CBFB: variants seen among roughly 807,000 people sequenced by gnomAD.
CBFB encodes core-binding factor subunit beta, also known as CBF-beta.
CBFB carries 9 observed loss-of-function variants against 30.4 expected under a neutral mutation model. That is an observed-to-expected ratio of 0.30 (90% CI 0.18 to 0.52). The LOEUF (loss-of-function observed/expected upper bound fraction) is 0.52, where lower values mean the gene tolerates loss of function less well. Ranked by LOEUF, CBFB falls within the 20% of genes least tolerant of loss-of-function variation. The pLI, the probability that CBFB is intolerant of heterozygous loss-of-function variation, is 0.97. For missense variants in CBFB, 170 were observed against 244.0 expected (o/e 0.70, Z 2.02); for synonymous variants, 94 against 84.0 (o/e 1.12, Z -0.65).
In CBFB at chr16:67,082,108, T is replaced by C. The variant is rs908317456; in HGVS notation, c.400-105T>C. The C allele has an allele frequency of 3.9e-5, 35 of 906,728 alleles. No individual in the cohort carries two copies. The African/African-American group carries it at 5.2e-4, about 14-fold the overall frequency. The allele number at this position is 906,728 out of a possible 1,614,324, so 56.2% of individuals were successfully genotyped here. On this transcript the variant is annotated intron_variant, in intron 4 of 5. Coordinates refer to ENST00000412916, the MANE Select transcript of CBFB (RefSeq NM_022845.3). ...TGCTGAGATTACAGGCGTGAGCCAC[T>C]GCGCCCGGCCACTGTTTCAGGAAAA...
At chr16:67,043,419 G>A (rs1360374208) in intron 3 of CBFB, among the ~76,000 whole-genome samples, 1 of 152,126 alleles carries the variant, frequency 6.6e-6, no homozygotes, top group Non-Finnish European at 1.5e-5. Context: ...CAAATCAAGG[G>A]CTTCTATAAG....
At chr16:67,052,716 CT>C in intron 3 of CBFB, among the ~76,000 whole-genome samples, 1 of 152,240 alleles carries the variant, frequency 6.6e-6, no homozygotes, top group South Asian at 2.1e-4. Flanking sequence ...AATTGCAGCA[CT>C]TTCAGAGGTT....
intron 2 of CBFB, among the ~76,000 whole-genome samples, chr16:67,032,640 T>G (rs1488738380): frequency 1.3e-5 from 2 of 152,242 alleles, no homozygotes; most frequent in Non-Finnish European, 2.9e-5. Context: ...TCACAATACC[T>G]TTTATATCAG....
intron 3 of CBFB, among the ~76,000 whole-genome samples, chr16:67,057,147 T>C (rs1056718469): frequency 2.0e-5 from 3 of 151,978 alleles, no homozygotes; most frequent in African/African-American, 7.3e-5. Context: ...CATGCCCGGC[T>C]AATTTTTGTA....
chr16:67,068,705 C>G (rs564517378), intron 4 of CBFB, among the ~76,000 whole-genome samples: 1 of 152,070 alleles, frequency 6.6e-6, no homozygotes, highest in Non-Finnish European at 1.5e-5. Context: ...GCAACTTATA[C>G]AAAGGTGAAA....
At chr16:67,066,051 C>T (rs1015690031) in intron 3 of CBFB, among the ~76,000 whole-genome samples, 12 of 151,834 alleles carry the variant, frequency 7.9e-5, no homozygotes, top group African/African-American at 2.9e-4. Flanking sequence ...CAGTAGAAAT[C>T]AACTCTGGCT....
chr16:67,084,945 T>G (rs897665860), intron 5 of CBFB, among the ~76,000 whole-genome samples: 2 of 152,226 alleles, frequency 1.3e-5, no homozygotes, highest in African/African-American at 4.8e-5. Context: ...CTGTCTCATA[T>G]GGTCATTGTG....
At chr16:67,079,141 G>T (rs888906784) in intron 4 of CBFB, among the ~76,000 whole-genome samples, 3 of 152,176 alleles carry the variant, frequency 2.0e-5, no homozygotes, top group Non-Finnish European at 4.4e-5. Context: ...ATCCATAAGT[G>T]CTTGTTGAAT....
In CBFB at chr16:67,055,357, C is replaced by CTTTTTTTTTTTT. The variant is rs1163773529; in HGVS notation, c.283-11309_283-11298dup. On this transcript the variant is annotated intron_variant, in intron 3 of 5. Coordinates refer to ENST00000412916, the MANE Select transcript of CBFB (RefSeq NM_022845.3). Reference sequence around the variant, plus strand: ...AAATCTATTGAATTCCAGACACTTTCTTTTTTTTTTTTTTTTTTTTTTTTT... The same window carrying CTTTTTTTTTTTT: ...AAATCTATTGAATTCCAGACACTTTCTTTTTTTTTTTTTTTTTTTTTTTTTTTTTTTTTTTTT... Among the ~76,000 whole-genome samples, 143 of 81,466 alleles carry CTTTTTTTTTTTT rather than the reference C, an allele frequency of 1.8e-3. 15 individuals carry two copies. Among genetic ancestry groups the CTTTTTTTTTTTT allele is most frequent in the South Asian group, 3.1e-3 (7 of 2,280 alleles). The allele number at this position is 81,466 out of a possible 152,430, so 53.4% of individuals were successfully genotyped here.
intron 3 of CBFB, among the ~76,000 whole-genome samples, chr16:67,052,327 T>TTCCCAAA (rs1168039462): frequency 6.6e-6 from 1 of 152,196 alleles, no homozygotes; most frequent in Non-Finnish European, 1.5e-5. Flanking sequence ...CCTAGCACTT[T>TTCCCAAA]GGGAGGCCAA....
intron 3 of CBFB, among the ~76,000 whole-genome samples, chr16:67,040,275 G>C (rs937565146): frequency 6.6e-6 from 1 of 152,214 alleles, no homozygotes; most frequent in Non-Finnish European, 1.5e-5. Flanking sequence ...CCTTATATTG[G>C]ATTCCAAATC....
Position 67,066,739 on chromosome 16 carries a change from A to T in CBFB, c.340A>T (p.Ile114Phe). Residue 114 changes from isoleucine (I) to phenylalanine (F), a missense_variant, in exon 4 of 6, where the codon ATT becomes TTT. Transcript: ENST00000412916. ...AGTCTGTGTTATCTGGAAAGGCTGG[A>T]TTGATCTCCAAAGACTGGATGGTAT... ...NGVCVIWKGW[I>F]DLQRLDGMGC... 1.2e-6 allele frequency: 2 copies of T among 1,610,888 alleles called. No individual in the cohort carries two copies. Among genetic ancestry groups the T allele is most frequent in the Non-Finnish European group, 1.7e-6 (2 of 1,179,052 alleles).
At chr16:67,080,479 A>AG (rs1396855296) in intron 4 of CBFB, among the ~76,000 whole-genome samples, 1 of 151,610 alleles carries the variant, frequency 6.6e-6, no homozygotes, top group African/African-American at 2.4e-5. Context: ...GGTTTCTTGC[A>AG]GAAAAAAAAA....
chr16:67,055,054 T>C (rs1366623160), intron 3 of CBFB, among the ~76,000 whole-genome samples: 1 of 152,098 alleles, frequency 6.6e-6, no homozygotes, highest in Non-Finnish European at 1.5e-5. Context: ...TCTGAGAATC[T>C]AGCTGGTAGA....
chr16:67,087,630 T>C (rs1961767503), intron 5 of CBFB, among the ~76,000 whole-genome samples: 1 of 152,242 alleles, frequency 6.6e-6, no homozygotes, highest in African/African-American at 2.4e-5. Flanking sequence ...AATATTTTGG[T>C]ATGTGAGTTT....
intron 3 of CBFB, among the ~76,000 whole-genome samples, chr16:67,065,091 G>C (rs1174160055): frequency 6.6e-6 from 1 of 152,122 alleles, no homozygotes; most frequent in East Asian, 1.9e-4. Context: ...TAGAGATGGG[G>C]TTTTGCCATG....
chr16:67,093,517 G>C (rs1215681506), intron 5 of CBFB: 1 of 151,856 alleles, frequency 6.6e-6, no homozygotes, highest in Non-Finnish European at 1.5e-5. Flanking sequence ...GCTGGTGTGT[G>C]TTCTTTCGTC....
chr16:67,071,753 C>T (rs531310531), intron 4 of CBFB, among the ~76,000 whole-genome samples: 1 of 152,310 alleles, frequency 6.6e-6, no homozygotes, highest in East Asian at 1.9e-4. Context: ...CTGTGCCTAG[C>T]ACAGTATCTA....
At chr16:67,064,935 T>G (rs1468047750) in intron 3 of CBFB, among the ~76,000 whole-genome samples, 1 of 152,192 alleles carries the variant, frequency 6.6e-6, no homozygotes, top group Non-Finnish European at 1.5e-5. Context: ...TCTCACTCTG[T>G]CACCCAGGCT....
Sources: gnomAD v4.1 joint callset for allele counts (sites outside exome capture counted in the v4.1 genomes callset) on GRCh38, gnomAD v4.1.1 for gene constraint, MANE v1.5 for transcripts, NCBI Gene and HGNC (gene_info 2026-07-23, HGNC 2026-07-21) for gene names.